The following MAB21L4 variants were observed in gnomAD, a reference collection of about 807,000 sequenced individuals.
MAB21L4 encodes the protein protein mab-21-like 4.
In MAB21L4, 25 loss-of-function variants were observed where a neutral mutation model predicts 32.4. The observed-to-expected ratio is 0.77, with a 90% confidence interval of 0.56 to 1.08. MAB21L4 has a LOEUF of 1.08. Ranked by LOEUF, MAB21L4 falls within the 50% of genes least tolerant of loss-of-function variation. MAB21L4 has a pLI of 0.00. For synonymous variants in MAB21L4, 280 were observed against 276.8 expected (o/e 1.01, Z -0.11); for missense variants, 638 against 611.0 (o/e 1.04, Z -0.47).
upstream of MAB21L4, among the ~76,000 whole-genome samples, chr2:240,896,376 T>C (rs2059187583): frequency 6.6e-6 from 1 of 152,168 alleles, no homozygotes; most frequent in Non-Finnish European, 1.5e-5. Context: ...GCCGCTGGAC[T>C]GTGCCGTCCC....
At position 240,888,540 on chromosome 2, in the gene MAB21L4, G is replaced by C; in HGVS notation, c.1003C>G (p.Arg335Gly). ...GGGTGGAGGAAGTGGGGCAGCTTCC[G>C]CGTGGCCAGGCAACAGAGCAGCACC... ...LVVLLCCLAT[R>G]KLPHFLHPQR... Residue 335 changes from arginine to glycine, a missense_variant, in exon 4 of 5, where the codon CGG (arginine) becomes GGG (glycine). Transcript: ENST00000388934. The C allele has an allele frequency of 3.1e-6, 5 of 1,608,506 alleles. No homozygotes were observed. The highest frequency in any genetic ancestry group is 4.2e-6 in the Non-Finnish European group (5 of 1,179,338).
chr2:240,891,348 G>A (rs912026723), intron 2 of MAB21L4, among the ~76,000 whole-genome samples, 190 bp downstream of exon 2: 2 of 152,206 alleles, frequency 1.3e-5, no homozygotes, highest in South Asian at 2.1e-4. Flanking sequence ...TTTCCACTAG[G>A]GAGAGGACAC....
At chr2:240,893,758 G>GCCTCTCTGGGGGCGTGAGGAA (rs2059169391) in intron 1 of MAB21L4, among the ~76,000 whole-genome samples, 1 of 152,212 alleles carries the variant, frequency 6.6e-6, no homozygotes, top group Non-Finnish European at 1.5e-5. Context: ...GGCGTGAGGA[G>GCCTCTCTGGGGGCGTGAGGAA]CCTGGCGGCT....
intron 1 of MAB21L4, among the ~76,000 whole-genome samples, chr2:240,893,859 G>A (rs368419936): frequency 2.6e-5 from 4 of 152,032 alleles, no homozygotes; most frequent in African/African-American, 9.6e-5. Context: ...AGGGCCAAGT[G>A]AGGTCGGGAA....
rs2059182983 is a variant in MAB21L4 at position 240,895,835 on chromosome 2, G to C, written c.163C>G (p.Pro55Ala). ...TVLERVHALD[P>A]RFIVDYSRGL... ...CGGGAGTAGTCCACGATGAAGCGGG[G>C]GTCCAGGGCATGCACGCGCTCCAGC... The change falls in exon 1 of 5, where the codon CCC becomes GCC. Residue 55 changes from proline (P) to alanine (A), a missense_variant. Coordinates refer to ENST00000388934, the MANE Select transcript of MAB21L4 (RefSeq NM_001085437.3). The C allele has an allele frequency of 6.3e-7, 1 of 1,585,294 alleles. No homozygotes were observed. Among genetic ancestry groups the C allele is most frequent in the Non-Finnish European group, 8.6e-7 (1 of 1,163,248 alleles).
chr2:240,890,743 G>C (rs1050540985), intron 2 of MAB21L4, among the ~76,000 whole-genome samples: 2 of 152,202 alleles, frequency 1.3e-5, no homozygotes, highest in African/African-American at 2.4e-5. Flanking sequence ...AGGATGTGGG[G>C]CACCAAAAAT....
chr2:240,892,842 A>T (rs988487409), intron 1 of MAB21L4, among the ~76,000 whole-genome samples: 1 of 151,934 alleles, frequency 6.6e-6, no homozygotes, highest in Non-Finnish European at 1.5e-5. Context: ...ACTAACACAG[A>T]GCCCAGAGTC....
chr2:240,895,233 A>G (rs2059177949), intron 1 of MAB21L4, among the ~76,000 whole-genome samples: 1 of 152,234 alleles, frequency 6.6e-6, no homozygotes, highest in Non-Finnish European at 1.5e-5. Context: ...GTCTTGTTAC[A>G]GGCATTTGGA....
At chr2:240,887,982 C>A (rs1441262260) in intron 4 of MAB21L4, among the ~76,000 whole-genome samples, 1 of 152,178 alleles carries the variant, frequency 6.6e-6, no homozygotes, top group Non-Finnish European at 1.5e-5. Context: ...GCAGCTGGGG[C>A]TCTGAGCATT....
Position 240,890,075 on chromosome 2 carries a change from A to AGAT in MAB21L4, c.823_824insATC (p.Ile274_Leu275insHis). On this transcript the variant is annotated inframe_insertion, in exon 3 of 5. Coordinates refer to ENST00000388934, the MANE Select transcript of MAB21L4 (RefSeq NM_001085437.3). ...CCAGCTCTCGTGGTTGACCCGGTCG[A>AGAT]GGATGGAGAGGCTGTCCAGGCGATG... 4 of 1,613,436 alleles carry AGAT rather than the reference A, an allele frequency of 2.5e-6. No homozygotes were observed. The highest frequency in any genetic ancestry group is 1.3e-5 in the African/African-American group (1 of 75,048).
chr2:240,892,467 G>C (rs1385248238), intron 1 of MAB21L4, among the ~76,000 whole-genome samples: 2 of 152,174 alleles, frequency 1.3e-5, no homozygotes, highest in Admixed American at 1.3e-4. Context: ...CTACATGATG[G>C]GGGCAGCTGG....
intron 1 of MAB21L4, chr2:240,891,968 G>C (rs971983518): frequency 3.2e-6 from 5 of 1,546,318 alleles, no homozygotes; most frequent in Non-Finnish European, 4.4e-6. Flanking sequence ...TGAGGAGCTG[G>C]CCACCATGCC....
chr2:240,890,287 G>T, intron 2 of MAB21L4, 129 bp from the exon 3 acceptor site: 1 of 1,182,404 alleles, frequency 8.5e-7, no homozygotes, highest in Non-Finnish European at 1.1e-6. Flanking sequence ...GTGGGACCCA[G>T]CCGGAACCCA....
intron 2 of MAB21L4, 144 bp from the exon 3 acceptor site, chr2:240,890,302 T>C (rs2059133703): frequency 2.0e-6 from 2 of 989,430 alleles, no homozygotes; most frequent in Non-Finnish European, 2.9e-6. Flanking sequence ...AACCCAGGCT[T>C]CTCGGGAGCT....
chr2:240,896,626 C>T (rs74002541), upstream of MAB21L4, among the ~76,000 whole-genome samples: 9 of 152,292 alleles, frequency 5.9e-5, no homozygotes, highest in African/African-American at 1.9e-4. Context: ...CTGGAGGCTG[C>T]GTCTCTGCAA....
intron 3 of MAB21L4, among the ~76,000 whole-genome samples, chr2:240,889,524 G>A (rs563626214): frequency 2.2e-4 from 33 of 152,328 alleles, no homozygotes; most frequent in African/African-American, 7.7e-4. Flanking sequence ...GTTCTTCTCA[G>A]CATCTGATGT....
chr2:240,891,807 T>G, intron 1 of MAB21L4, 44 bp from the exon 2 acceptor site: 2 of 1,600,494 alleles, frequency 1.2e-6, no homozygotes, highest in Non-Finnish European at 1.7e-6. Flanking sequence ...TTGCCTCACC[T>G]GCCCAGGACA....
intron 1 of MAB21L4, among the ~76,000 whole-genome samples, chr2:240,894,783 G>A (rs1356969458): frequency 7.4e-6 from 1 of 135,734 alleles, no homozygotes; most frequent in Non-Finnish European, 1.6e-5. Flanking sequence ...GGGTGACAGA[G>A]TGAGACTCAG....
At chr2:240,890,799 C>T (rs1354135164) in intron 2 of MAB21L4, among the ~76,000 whole-genome samples, 1 of 152,258 alleles carries the variant, frequency 6.6e-6, no homozygotes, top group African/African-American at 2.4e-5. Flanking sequence ...CCAGCCCAGC[C>T]CTTCCCCTTC....
Sources: gnomAD v4.1 joint callset for allele counts (sites outside exome capture counted in the v4.1 genomes callset) on GRCh38, gnomAD v4.1.1 for gene constraint, MANE v1.5 for transcripts, NCBI Gene and HGNC (gene_info 2026-07-23, HGNC 2026-07-21) for gene names.